Variants in GPR158 observed in about 807,000 individuals in gnomAD.
GPR158 encodes the protein metabotropic glycine receptor.
GPR158 carries 30 observed loss-of-function variants against 78.2 expected under a neutral mutation model. That is an observed-to-expected ratio of 0.38 (90% CI 0.29 to 0.52). The LOEUF (loss-of-function observed/expected upper bound fraction) is 0.52. GPR158 is among the 20% of genes least tolerant of loss of function. The probability of loss-of-function intolerance (pLI) is 0.83; values close to 1 mark genes in which losing one functional copy is unlikely to be tolerated. For synonymous variants in GPR158, 581 were observed against 591.1 expected, an observed-to-expected ratio of 0.98 and a Z score of 0.25; for missense variants, 1,463 against 1,523.5, an observed-to-expected ratio of 0.96 and a Z score of 0.66.
At chr10:25,535,791 C>A (rs1836492013) in intron 5 of GPR158, among the ~76,000 whole-genome samples, 1 of 152,220 alleles carries the variant, frequency 6.6e-6, no homozygotes, top group African/African-American at 2.4e-5. Flanking sequence ...CCTCTTCTCT[C>A]TATACCCCAT....
chr10:25,534,669 G>A (rs114883601), intron 5 of GPR158, among the ~76,000 whole-genome samples: 2,597 of 151,898 alleles, frequency 0.017, 66 homozygotes, highest in African/African-American at 0.059. Flanking sequence ...CAGGAGAATC[G>A]CTTGAACCCA....
intron 2 of GPR158, among the ~76,000 whole-genome samples, chr10:25,319,283 C>G (rs1854909344): frequency 6.6e-6 from 1 of 152,188 alleles, no homozygotes; most frequent in African/African-American, 2.4e-5. Flanking sequence ...GTAGACACTT[C>G]TGTCATCACA....
chr10:25,250,518 G>T (rs1853778953), intron 2 of GPR158, among the ~76,000 whole-genome samples: 1 of 145,784 alleles, frequency 6.9e-6, no homozygotes, highest in African/African-American at 2.6e-5. Flanking sequence ...TGGTGTCTTT[G>T]TTCTCGTTGG....
At chr10:25,272,267 T>A (rs1048098532) in intron 2 of GPR158, among the ~76,000 whole-genome samples, 1 of 152,212 alleles carries the variant, frequency 6.6e-6, no homozygotes, top group African/African-American at 2.4e-5. Flanking sequence ...AAAAATATTA[T>A]TTTTAGGAAT....
At chr10:25,326,316 T>C (rs1289026959) in intron 2 of GPR158, among the ~76,000 whole-genome samples, 1 of 152,236 alleles carries the variant, frequency 6.6e-6, no homozygotes, top group Non-Finnish European at 1.5e-5. Context: ...TAGTATTCCA[T>C]GGTGTATATG....
At chr10:25,472,002 A>G (rs1432310506) in intron 5 of GPR158, among the ~76,000 whole-genome samples, 1 of 152,100 alleles carries the variant, frequency 6.6e-6, no homozygotes, top group African/African-American at 2.4e-5. Context: ...TTTTGTTGCC[A>G]TTGCTTTTGG....
chr10:25,340,931 G>C (rs1855293827), intron 2 of GPR158, among the ~76,000 whole-genome samples: 1 of 151,954 alleles, frequency 6.6e-6, no homozygotes, highest in Admixed American at 6.6e-5. Context: ...ACATAGAATA[G>C]TATAATGGGT....
At chr10:25,346,871 T>C (rs1424900426) in intron 2 of GPR158, among the ~76,000 whole-genome samples, 1 of 151,972 alleles carries the variant, frequency 6.6e-6, no homozygotes, top group Admixed American at 6.6e-5. Context: ...AAGCATCGGA[T>C]TAAGAGAACA....
At chr10:25,460,092 G>A (rs1243693259) in intron 4 of GPR158, among the ~76,000 whole-genome samples, 1 of 152,054 alleles carries the variant, frequency 6.6e-6, no homozygotes, top group East Asian at 1.9e-4. Flanking sequence ...TGCATCAGCT[G>A]GTGCCAAATA....
chr10:25,396,303 T>C (rs998409809), intron 3 of GPR158, among the ~76,000 whole-genome samples: 3 of 152,236 alleles, frequency 2.0e-5, no homozygotes, highest in African/African-American at 7.2e-5. Context: ...TATTGAAAGA[T>C]GCTGCTACAG....
intron 5 of GPR158, among the ~76,000 whole-genome samples, chr10:25,547,520 T>C (rs4747530): frequency 0.57 from 86,538 of 152,054 alleles, 26,641 homozygotes; most frequent in African/African-American, 0.81. Context: ...GTTCCTCCTT[T>C]CGTTCTCGCT....
chr10:25,354,294 G>A (rs1470581345), intron 2 of GPR158, among the ~76,000 whole-genome samples: 1 of 151,344 alleles, frequency 6.6e-6, no homozygotes, highest in African/African-American at 2.4e-5. Flanking sequence ...GGTGGAGGTT[G>A]CAGTGAGCCG....
chr10:25,498,512 C>A (rs186129822), intron 5 of GPR158, among the ~76,000 whole-genome samples: 2 of 152,252 alleles, frequency 1.3e-5, no homozygotes, highest in East Asian at 3.9e-4. Flanking sequence ...CCAGCATTCT[C>A]AAGGCTCTCC....
intron 4 of GPR158, among the ~76,000 whole-genome samples, chr10:25,460,101 TAAA>T (rs796200237): frequency 6.6e-6 from 1 of 152,108 alleles, no homozygotes; most frequent in South Asian, 2.1e-4. Context: ...TGGTGCCAAA[TAAA>T]AACTCATTAA....
chr10:25,375,850 G>T (rs117516138), intron 2 of GPR158, among the ~76,000 whole-genome samples: 1 of 151,228 alleles, frequency 6.6e-6, no homozygotes, highest in Non-Finnish European at 1.5e-5. Flanking sequence ...CTTCCTTGTC[G>T]CAATTGTTTT....
intron 5 of GPR158, among the ~76,000 whole-genome samples, chr10:25,477,876 T>C (rs1159415515): frequency 1.3e-5 from 2 of 152,204 alleles, no homozygotes; most frequent in Non-Finnish European, 2.9e-5. Context: ...TCTGGACTTT[T>C]CAGGAAGCTT....
At chr10:25,191,629 T>C (rs539326981) in intron 1 of GPR158, among the ~76,000 whole-genome samples, 3 of 152,330 alleles carry the variant, frequency 2.0e-5, no homozygotes, top group African/African-American at 7.2e-5. Flanking sequence ...AACAGCTTCA[T>C]ATAAACAGCT....
chr10:25,318,782 C>G (rs1459623270), intron 2 of GPR158, among the ~76,000 whole-genome samples: 1 of 152,152 alleles, frequency 6.6e-6, no homozygotes, highest in African/African-American at 2.4e-5. Flanking sequence ...CATGTTATGT[C>G]TCCGCTTTAA....
chr10:25,588,884 T>C (rs905552491), intron 7 of GPR158, 123 bp from the exon 8 acceptor site: 1 of 515,024 alleles, frequency 1.9e-6, no homozygotes, highest in African/African-American at 1.9e-5. Context: ...TGTATGTGAA[T>C]AAGACTTTCT....
Sources: gnomAD v4.1 joint callset for allele counts (sites outside exome capture counted in the v4.1 genomes callset) on GRCh38, gnomAD v4.1.1 for gene constraint, MANE v1.5 for transcripts, NCBI Gene and HGNC (gene_info 2026-07-23, HGNC 2026-07-21) for gene names.